Variants in FAM53B observed in about 807,000 individuals in gnomAD.
FAM53B encodes the protein protein FAM53B.
In FAM53B, 12 loss-of-function variants were observed where a neutral mutation model predicts 32.7. That is an observed-to-expected ratio of 0.37 (90% CI 0.24 to 0.59). The LOEUF is 0.59. Ranked by LOEUF, FAM53B falls within the 20% of genes least tolerant of loss-of-function variation. The pLI, the probability that FAM53B is intolerant of heterozygous loss-of-function variation, is 0.72. For synonymous variants in FAM53B, 234 were observed against 228.7 expected (o/e 1.02, Z -0.21); for missense variants, 477 against 577.7 (o/e 0.83, Z 1.79).
chr10:124,738,126 T>C (rs1297885273), intron 1 of FAM53B, among the ~76,000 whole-genome samples: 1 of 150,286 alleles, frequency 6.7e-6, no homozygotes, highest in East Asian at 2.0e-4. Context: ...CAGCAGCAAA[T>C]GCCAATAGGT....
chr10:124,717,537 G>A (rs1950044560), intron 1 of FAM53B, among the ~76,000 whole-genome samples: 1 of 152,226 alleles, frequency 6.6e-6, no homozygotes, highest in African/African-American at 2.4e-5. Flanking sequence ...CTTACTTGCT[G>A]CCATCAAAGT....
chr10:124,741,350 G>A (rs575971218), intron 1 of FAM53B, among the ~76,000 whole-genome samples: 26 of 152,238 alleles, frequency 1.7e-4, no homozygotes, highest in Non-Finnish European at 3.1e-4. Flanking sequence ...AAGTCACGCT[G>A]CCCAAATAAA....
chr10:124,656,985 A>C (rs1346668659), intron 4 of FAM53B, among the ~76,000 whole-genome samples: 1 of 151,442 alleles, frequency 6.6e-6, no homozygotes, highest in African/African-American at 2.4e-5. Flanking sequence ...ACATGTATAC[A>C]TACGTAACAA....
chr10:124,661,772 A>G (rs17152175), intron 4 of FAM53B, among the ~76,000 whole-genome samples: 7,853 of 152,324 alleles, frequency 0.052, 248 homozygotes, highest in East Asian at 0.12. Context: ...CCCCACTTAA[A>G]TTCAAGTTTC....
In FAM53B at chr10:124,733,791, CT is replaced by C. The variant is rs986854322; in HGVS notation, c.-175+10221del. On this transcript the variant is annotated intron_variant, in intron 1 of 4. Coordinates refer to ENST00000337318, the MANE Select transcript of FAM53B (RefSeq NM_014661.4). This position sits in a 1 kb window ranked among gnomAD's most constrained non-coding sequence, Gnocchi z 4.3. Reference sequence around the variant, plus strand: ...ACTCCAAGGTCAAAAGGCTGGGCCCCTGGGCAGTGTCACCCCGAAGGTGGGC... The same window carrying C: ...ACTCCAAGGTCAAAAGGCTGGGCCCCGGGCAGTGTCACCCCGAAGGTGGGC... Among the ~76,000 whole-genome samples, 2 of 152,252 alleles carry C rather than the reference CT, an allele frequency of 1.3e-5. No individual in the cohort carries two copies. Among genetic ancestry groups the C allele is most frequent in the African/African-American group, 4.8e-5 (2 of 41,474 alleles).
intron 4 of FAM53B, among the ~76,000 whole-genome samples, chr10:124,669,752 A>G (rs1447891377): frequency 6.6e-6 from 1 of 152,172 alleles, no homozygotes; most frequent in Non-Finnish European, 1.5e-5. Context: ...TGTCGGGGCC[A>G]AAGAGTGAGT....
chr10:124,742,147 G>A (rs34816097), intron 1 of FAM53B, among the ~76,000 whole-genome samples: 139 of 152,256 alleles, frequency 9.1e-4, no homozygotes, highest in Non-Finnish European at 1.7e-3. Context: ...CTGAAAAAGC[G>A]CCTGGAAGCT....
chr10:124,626,617 C>T (rs1949357654), intron 4 of FAM53B, among the ~76,000 whole-genome samples: 1 of 152,192 alleles, frequency 6.6e-6, no homozygotes, highest in African/African-American at 2.4e-5. Context: ...CAGCTTCTAA[C>T]TAAGAAATAC....
At chr10:124,678,290 G>T (rs1949748923) in intron 4 of FAM53B, among the ~76,000 whole-genome samples, 1 of 152,142 alleles carries the variant, frequency 6.6e-6, no homozygotes, top group South Asian at 2.1e-4. Flanking sequence ...CCAATGCACT[G>T]GGGGGAGTGT....
chr10:124,632,393 G>C (rs1397530318), intron 4 of FAM53B, among the ~76,000 whole-genome samples: 2 of 152,266 alleles, frequency 1.3e-5, no homozygotes, highest in Non-Finnish European at 2.9e-5. Context: ...CAAAAGTCAA[G>C]GGACCTTTCC....
chr10:124,625,725 G>C (rs11245319), intron 4 of FAM53B, among the ~76,000 whole-genome samples: 16,071 of 152,260 alleles, frequency 0.11, 1,151 homozygotes, highest in Non-Finnish European at 0.15. Flanking sequence ...GACTGGCCTA[G>C]ACCTGAGCCA....
intron 3 of FAM53B, among the ~76,000 whole-genome samples, chr10:124,687,637 T>C (rs1482960103): frequency 2.0e-5 from 3 of 152,294 alleles, no homozygotes; most frequent in East Asian, 3.9e-4. Context: ...CTTCTCTGAC[T>C]AGGATTTCTC....
At chr10:124,700,923 C>T (rs577175097) in intron 2 of FAM53B, among the ~76,000 whole-genome samples, 1 of 152,324 alleles carries the variant, frequency 6.6e-6, no homozygotes, top group East Asian at 1.9e-4. Flanking sequence ...GAGACCGTGG[C>T]AGTCGAAAGC....
chr10:124,646,096 G>A (rs889938741), intron 4 of FAM53B, among the ~76,000 whole-genome samples: 4 of 152,186 alleles, frequency 2.6e-5, no homozygotes, highest in Admixed American at 6.5e-5. Context: ...CAGCAATGTT[G>A]CCCCCAGCTG....
At chr10:124,669,818 C>T (rs950818231) in intron 4 of FAM53B, among the ~76,000 whole-genome samples, 5 of 152,034 alleles carry the variant, frequency 3.3e-5, no homozygotes, top group Non-Finnish European at 2.9e-5. Flanking sequence ...TCGGCACTCC[C>T]TTTTCTTCCC....
At chr10:124,676,665 T>C (rs770644241) in intron 4 of FAM53B, among the ~76,000 whole-genome samples, 26 of 151,932 alleles carry the variant, frequency 1.7e-4, no homozygotes, top group Non-Finnish European at 3.4e-4. Flanking sequence ...GAGCTGCGAG[T>C]CACTGATGAG....
At chr10:124,730,065 A>T (rs1211465926) in intron 1 of FAM53B, among the ~76,000 whole-genome samples, 1 of 152,212 alleles carries the variant, frequency 6.6e-6, no homozygotes, top group Non-Finnish European at 1.5e-5. Flanking sequence ...TAGCTGAGGT[A>T]CCTGGAACTC....
chr10:124,729,828 G>A (rs577761066), intron 1 of FAM53B, among the ~76,000 whole-genome samples: 2 of 152,296 alleles, frequency 1.3e-5, no homozygotes, highest in Admixed American at 1.3e-4. Context: ...CAGCACTGAT[G>A]CATTTATGCC....
intron 4 of FAM53B, among the ~76,000 whole-genome samples, chr10:124,624,544 G>A (rs1316765361): frequency 6.6e-6 from 1 of 152,204 alleles, no homozygotes; most frequent in Non-Finnish European, 1.5e-5. Flanking sequence ...AGTAGGCTGC[G>A]CAGAAGCTTC....
Sources: allele counts gnomAD v4.1 joint callset (sites outside exome capture counted in the v4.1 genomes callset), GRCh38; gene constraint gnomAD v4.1.1; non-coding constraint Gnocchi (gnomAD v3.1); transcripts MANE v1.5; gene names NCBI Gene and HGNC (gene_info 2026-07-23, HGNC 2026-07-21).